Variants in TMEM132D observed in about 807,000 individuals in gnomAD.
TMEM132D encodes the protein transmembrane protein 132D.
TMEM132D carries 21 observed loss-of-function variants against 62.3 expected under a neutral mutation model. The ratio of observed to expected loss-of-function variants is 0.34; its 90% confidence interval spans 0.24 to 0.49. The LOEUF (loss-of-function observed/expected upper bound fraction) is 0.49, where lower values mean the gene tolerates loss of function less well. Ranked by LOEUF, TMEM132D falls within the 20% of genes least tolerant of loss-of-function variation. The pLI, the probability that TMEM132D is intolerant of heterozygous loss-of-function variation, is 0.99. For missense variants in TMEM132D, 1,346 were observed against 1,402.8 expected (o/e 0.96, Z 0.65); for synonymous variants, 621 against 575.6 (o/e 1.08, Z -1.13).
intron 5 of TMEM132D, among the ~76,000 whole-genome samples, chr12:129,196,073 G>A (rs972522616): frequency 1.3e-5 from 2 of 152,120 alleles, no homozygotes; most frequent in African/African-American, 2.4e-5. Flanking sequence ...GCTACAGTGA[G>A]CTGAGATGGC....
intron 4 of TMEM132D, among the ~76,000 whole-genome samples, chr12:129,280,745 TTATC>T (rs1299344872): frequency 1.2e-4 from 19 of 152,332 alleles, no homozygotes; most frequent in Admixed American, 3.9e-4. Context: ...CTATCTTAGC[TTATC>T]TATCTAATTA....
At chr12:129,706,950 C>T (rs1462793480) in intron 1 of TMEM132D, among the ~76,000 whole-genome samples, 1 of 151,412 alleles carries the variant, frequency 6.6e-6, no homozygotes, top group Non-Finnish European at 1.5e-5. Flanking sequence ...GCCAAAGATG[C>T]AGTCAAAAGC....
chr12:129,105,880 C>T (rs1395557178), intron 5 of TMEM132D, among the ~76,000 whole-genome samples: 2 of 150,804 alleles, frequency 1.3e-5, no homozygotes, highest in African/African-American at 5.0e-5. Context: ...GGATCTAGAA[C>T]TAGAAATACC....
At chr12:129,283,359 T>G (rs966379287) in intron 4 of TMEM132D, among the ~76,000 whole-genome samples, 4 of 152,020 alleles carry the variant, frequency 2.6e-5, no homozygotes, top group Non-Finnish European at 4.4e-5. Flanking sequence ...GCCCAGCTAA[T>G]TGTTGTATTT....
chr12:129,813,981 T>C (rs1872270135), intron 1 of TMEM132D, among the ~76,000 whole-genome samples: 2 of 152,100 alleles, frequency 1.3e-5, no homozygotes, highest in Non-Finnish European at 2.9e-5. Context: ...TAACAAGAAA[T>C]TTGTCATATC....
chr12:129,774,609 C>T (rs936999350), intron 1 of TMEM132D, among the ~76,000 whole-genome samples: 2 of 152,170 alleles, frequency 1.3e-5, no homozygotes, highest in African/African-American at 4.8e-5. Flanking sequence ...TATAAGACTG[C>T]CACAGTTACA....
At position 129,600,043 on chromosome 12, in the gene TMEM132D, T is replaced by C. The variant is rs189479355; in HGVS notation, c.969-68838A>G. On this transcript the variant is annotated intron_variant, in intron 2 of 8. Coordinates refer to ENST00000422113, the MANE Select transcript of TMEM132D (RefSeq NM_133448.3). ...CGTCTTTTGACAAAAGATTTCTCTG[T>C]AGCATGCGATGCCATTTGATAGCAT... 2.0e-3 allele frequency among the ~76,000 whole-genome samples: 304 copies of C among 152,332 alleles called. 13 individuals are homozygous for C. In the South Asian group the frequency reaches 0.06, roughly 30 times the overall value.
At chr12:129,600,792 T>C (rs919906050) in intron 2 of TMEM132D, among the ~76,000 whole-genome samples, 4 of 152,176 alleles carry the variant, frequency 2.6e-5, no homozygotes, top group African/African-American at 9.7e-5. Context: ...AGTAGACAGA[T>C]GTGTGCTGTA....
intron 3 of TMEM132D, among the ~76,000 whole-genome samples, chr12:129,373,072 T>A (rs1235880690): frequency 6.6e-6 from 1 of 152,158 alleles, no homozygotes; most frequent in Non-Finnish European, 1.5e-5. Context: ...AAGCCTGGGA[T>A]AACACACTAT....
intron 1 of TMEM132D, among the ~76,000 whole-genome samples, chr12:129,770,332 C>G (rs770019816): frequency 4.0e-5 from 6 of 151,846 alleles, no homozygotes; most frequent in Non-Finnish European, 7.4e-5. Flanking sequence ...TTAGTACAGA[C>G]TGGGTTTCAC....
chr12:129,796,319 ATTTTTG>A (rs1245181882), intron 1 of TMEM132D, among the ~76,000 whole-genome samples: 2 of 152,084 alleles, frequency 1.3e-5, no homozygotes, highest in Non-Finnish European at 2.9e-5. Context: ...ATTTGTTCCA[ATTTTTG>A]TTTTTATTTT....
chr12:129,481,405 G>A (rs1363427347), intron 3 of TMEM132D, among the ~76,000 whole-genome samples: 1 of 150,826 alleles, frequency 6.6e-6, no homozygotes, highest in African/African-American at 2.4e-5. Context: ...TGAGGATGCT[G>A]TGGGTTATGA....
chr12:129,781,297 T>C (rs1327461923), intron 1 of TMEM132D, among the ~76,000 whole-genome samples: 1 of 152,094 alleles, frequency 6.6e-6, no homozygotes, highest in African/African-American at 2.4e-5. Flanking sequence ...ATAGAAATAG[T>C]TCTAAACACC....
chr12:129,286,280 T>C (rs1032704055), intron 4 of TMEM132D, among the ~76,000 whole-genome samples: 11 of 152,196 alleles, frequency 7.2e-5, no homozygotes, highest in Non-Finnish European at 1.3e-4. Flanking sequence ...CATTGGTGTT[T>C]CATGTATGGT....
chr12:129,533,915 A>C (rs1482533479), intron 2 of TMEM132D, among the ~76,000 whole-genome samples: 1 of 152,228 alleles, frequency 6.6e-6, no homozygotes, highest in East Asian at 1.9e-4. Context: ...AATATCAAGG[A>C]AAATCTATGT....
At chr12:129,882,519 A>C (rs1282897880) in intron 1 of TMEM132D, among the ~76,000 whole-genome samples, 1 of 152,234 alleles carries the variant, frequency 6.6e-6, no homozygotes, top group East Asian at 1.9e-4. Context: ...CAAGTCAGGA[A>C]TAAGTTCTAG....
chr12:129,709,896 C>T (rs1351127929), intron 1 of TMEM132D, among the ~76,000 whole-genome samples: 1 of 152,088 alleles, frequency 6.6e-6, no homozygotes, highest in Non-Finnish European at 1.5e-5. Context: ...AGCTATGACA[C>T]AAAAATTGTA....
chr12:129,605,604 T>TATATATATATATATACACAC (rs150550863), intron 2 of TMEM132D, among the ~76,000 whole-genome samples: 4 of 106,276 alleles, frequency 3.8e-5, no homozygotes, highest in African/African-American at 1.2e-4. Context: ...TATATATATA[T>TATATATATATATATACACAC]ACACACACAT....
intron 3 of TMEM132D, among the ~76,000 whole-genome samples, chr12:129,349,720 T>G (rs1869806566): frequency 6.6e-6 from 1 of 152,194 alleles, no homozygotes; most frequent in African/African-American, 2.4e-5. Flanking sequence ...AGAGTTTAAA[T>G]ATTTATTAGT....
Sources: gnomAD v4.1 joint callset for allele counts (sites outside exome capture counted in the v4.1 genomes callset) on GRCh38, gnomAD v4.1.1 for gene constraint, MANE v1.5 for transcripts, NCBI Gene and HGNC (gene_info 2026-07-23, HGNC 2026-07-21) for gene names.